SLC44A2: variants seen among roughly 807,000 people sequenced by gnomAD.
SLC44A2 encodes the protein solute carrier family 44 member 2 (CTL2 blood group), also known as choline transporter-like protein 2.
In SLC44A2, 57 loss-of-function variants were observed where a neutral mutation model predicts 90.8. The ratio of observed to expected loss-of-function variants is 0.63; its 90% CI spans 0.51 to 0.78. The LOEUF is 0.78. SLC44A2 is among the 30% of genes least tolerant of loss of function. SLC44A2 has a pLI of 0.00. For missense variants in SLC44A2, 794 were observed against 919.7 expected, an observed-to-expected ratio of 0.86 and a Z score of 1.77; for synonymous variants, 355 against 360.7, an observed-to-expected ratio of 0.98 and a Z score of 0.18.
chr19:10,637,983 G>C (rs1179724020), intron 18 of SLC44A2, 40 bp from the exon 19 acceptor site: 2 of 1,613,898 alleles, frequency 1.2e-6, no homozygotes, highest in Admixed American at 3.3e-5. Context: ...CCTAGTCCCT[G>C]AAGCCAGCAT....
intron 1 of SLC44A2, among the ~76,000 whole-genome samples, chr19:10,609,330 T>C (rs1918213961): frequency 6.6e-6 from 1 of 151,746 alleles, no homozygotes; most frequent in Non-Finnish European, 1.5e-5. Flanking sequence ...GACAGAATCT[T>C]GCTCTGTCGC....
At chr19:10,612,259 C>T (rs968602267) in intron 1 of SLC44A2, among the ~76,000 whole-genome samples, 1 of 151,992 alleles carries the variant, frequency 6.6e-6, no homozygotes, top group African/African-American at 2.4e-5. Flanking sequence ...GTGGTCCCAT[C>T]CACTAGGGAG....
intron 21 of SLC44A2, 139 bp from the exon 22 acceptor site, chr19:10,643,140 T>C: frequency 6.9e-7 from 1 of 1,450,730 alleles, no homozygotes; most frequent in Non-Finnish European, 9.0e-7. Context: ...CCCACTACAG[T>C]CTGCCCCTCT....
chr19:10,605,810 A>G (rs1320925942), intron 1 of SLC44A2, among the ~76,000 whole-genome samples: 2 of 151,980 alleles, frequency 1.3e-5, no homozygotes, highest in Non-Finnish European at 2.9e-5. Flanking sequence ...CCTGGCCAAC[A>G]TGGTGAAACC....
chr19:10,611,473 TAAAC>T (rs1425169409), intron 1 of SLC44A2, among the ~76,000 whole-genome samples: 2 of 150,760 alleles, frequency 1.3e-5, no homozygotes, highest in African/African-American at 4.9e-5. Flanking sequence ...AATAAATAAA[TAAAC>T]AAACAAGAGA....
intron 1 of SLC44A2, among the ~76,000 whole-genome samples, chr19:10,610,516 A>C (rs1918262870): frequency 6.9e-6 from 1 of 144,206 alleles, no homozygotes. Flanking sequence ...GTATTTTTTT[A>C]GTAGAAACGG....
At chr19:10,630,907 A>G in intron 4 of SLC44A2, 150 bp from the exon 5 acceptor site, 1 of 598,384 alleles carries the variant, frequency 1.7e-6, no homozygotes, top group Non-Finnish European at 3.0e-6. Context: ...CGGGAGGCTG[A>G]GGCAGGAGAA....
At chr19:10,621,781 G>A (rs1024105350), upstream of SLC44A2, among the ~76,000 whole-genome samples, 4 of 152,100 alleles carry the variant, frequency 2.6e-5, no homozygotes, top group Non-Finnish European at 5.9e-5. Flanking sequence ...ACCTCGCCCC[G>A]GCTAATTTTT....
At chr19:10,636,848 C>A in intron 16 of SLC44A2, 92 bp downstream of exon 16, 1 of 1,312,026 alleles carries the variant, frequency 7.6e-7, no homozygotes, top group Non-Finnish European at 1.1e-6. Context: ...GTGGGCGGGG[C>A]CAAGATAATA....
chr19:10,617,877 C>A (rs897142718), intron 1 of SLC44A2, among the ~76,000 whole-genome samples: 1 of 152,216 alleles, frequency 6.6e-6, no homozygotes, highest in Non-Finnish European at 1.5e-5. Context: ...ACTTCCGGTA[C>A]TCCCTTGTCT....
chr19:10,642,695 C>A (rs368217678), intron 21 of SLC44A2, among the ~76,000 whole-genome samples: 2 of 152,160 alleles, frequency 1.3e-5, no homozygotes, highest in Non-Finnish European at 2.9e-5. Flanking sequence ...GCCCGCGCTT[C>A]GCAGTTTCTG....
chr19:10,605,538 T>TAAATAAATAAA (rs1568440553), intron 1 of SLC44A2, among the ~76,000 whole-genome samples: 1 of 150,562 alleles, frequency 6.6e-6, no homozygotes, highest in Non-Finnish European at 1.5e-5. Context: ...AAATAAATAA[T>TAAATAAATAAA]AAAAATACAA....
intron 1 of SLC44A2, among the ~76,000 whole-genome samples, chr19:10,614,987 AAG>A (rs2066844064): frequency 1.3e-5 from 2 of 150,482 alleles, no homozygotes; most frequent in Non-Finnish European, 3.0e-5. Context: ...AAAAAAAAAA[AAG>A]AAGAAGAAAA....
chr19:10,634,738 T>G lies in SLC44A2; in HGVS notation c.824-18T>G. 6.2e-7 allele frequency: 1 copy of G among 1,614,156 alleles called. No homozygotes were observed. On this transcript the variant is annotated intron_variant, in intron 10 of 21. Transcript: ENST00000335757. The stretch of plus-strand genomic sequence containing the variant: ...GCAGGAGGCACTGCTGGACTGAGCT[T>G]GTGGTTCCCCCATGCAGGAATATTT...
At chr19:10,611,114 T>C (rs1321746481) in intron 1 of SLC44A2, among the ~76,000 whole-genome samples, 1 of 152,146 alleles carries the variant, frequency 6.6e-6, no homozygotes, top group Non-Finnish European at 1.5e-5. Flanking sequence ...AGTAGGGGAC[T>C]ATAGGCATGT....
Position 10,626,256 on chromosome 19 carries a change from C to T in SLC44A2, c.41C>T (p.Thr14Met), listed in dbSNP as rs763675490. The change falls in exon 2 of 22, where the codon ACG (threonine) becomes ATG (methionine). Residue 14 changes from threonine to methionine, a missense_variant. Physicochemically the swap from Thr to Met is moderately conservative, Grantham distance 81. Transcript: ENST00000335757. Reference sequence around the variant, plus strand: ...TCTTAATCTTCTTGACTTTCAGGAACGCCACAGAAGTATGATCCCACTTTC... The same window carrying T: ...TCTTAATCTTCTTGACTTTCAGGAATGCCACAGAAGTATGATCCCACTTTC... ...ERPHYYGKHGTPQKYDPTFKG... is the reference protein window; with the variant it reads ...ERPHYYGKHGMPQKYDPTFKG... 3.7e-6 allele frequency: 6 copies of T among 1,612,962 alleles called. No individual in the cohort carries two copies. Among genetic ancestry groups the T allele is most frequent in the Middle Eastern group, 1.7e-4 (1 of 6,060 alleles).
At chr19:10,631,994 T>G in intron 9 of SLC44A2, 43 bp downstream of exon 9, 1 of 1,612,660 alleles carries the variant, frequency 6.2e-7, no homozygotes. Flanking sequence ...CTGCCCCCTC[T>G]AAGCCTGGCT....
Position 10,638,293 on chromosome 19 carries a change from A to G in SLC44A2, c.1907A>G (p.Asn636Ser), listed in dbSNP as rs1599258314. ...GTGCAGGATACAGCACCACCCCTCA[A>G]TTATTACTGGGTTCCTATACTGGTA... Reference protein sequence around the residue: ...RIVQDTAPPLNYYWVPILTVI... With the variant: ...RIVQDTAPPLSYYWVPILTVI... Residue 636 changes from asparagine (N) to serine (S), a missense_variant, in exon 20 of 22, where the codon AAT (asparagine) becomes AGT (serine). Transcript: ENST00000335757. 2 of 1,613,914 alleles carry G rather than the reference A, an allele frequency of 1.2e-6. No homozygotes were observed. The highest frequency in any genetic ancestry group is 1.1e-5 in the South Asian group (1 of 91,066).
At chr19:10,625,514 G>A (rs2066922697), upstream of SLC44A2, 1 of 1,225,422 alleles carries the variant, frequency 8.2e-7, no homozygotes, top group African/African-American at 1.6e-5. Flanking sequence ...CGCCCCGCCT[G>A]GCGCTGTGCT....
Sources: gnomAD v4.1 joint callset for allele counts (sites outside exome capture counted in the v4.1 genomes callset) on GRCh38, gnomAD v4.1.1 for gene constraint, MANE v1.5 for transcripts, NCBI Gene and HGNC (gene_info 2026-07-23, HGNC 2026-07-21) for gene names.